The following CRB1 variants were observed in gnomAD, a reference collection of about 807,000 sequenced individuals.
CRB1 encodes the protein protein crumbs homolog 1.
A neutral mutation model predicts 120.0 loss-of-function variants in CRB1; 83 were observed. That is an observed-to-expected ratio of 0.69 (90% CI 0.58 to 0.83). CRB1 has a LOEUF of 0.83. Among genes scored for constraint, CRB1 ranks in the 40% least tolerant of loss-of-function variants. The pLI is 0.00. For missense variants in CRB1, 1,699 were observed against 1,687.6 expected (o/e 1.01, Z -0.12); for synonymous variants, 625 against 612.5 (o/e 1.02, Z -0.30).
chr1:197,284,811 TA>T lies in CRB1; in HGVS notation c.70+16336del, dbSNP rs148987226. ...AAGTGCATATTCTGATATTGTAATT[TA>T]AAAAAATAATAGAACAAAGGAATCC... On this transcript the variant is annotated intron_variant, in intron 1 of 11. Coordinates refer to ENST00000367400, the MANE Select transcript of CRB1 (RefSeq NM_201253.3). 3.9e-5 allele frequency among the ~76,000 whole-genome samples: 6 copies of T among 151,972 alleles called. 1 individual carries two copies. Among genetic ancestry groups the T allele is most frequent in the African/African-American group, 1.4e-4 (6 of 41,426 alleles).
At chr1:197,291,427 CAT>C (rs1394155462) in intron 1 of CRB1, among the ~76,000 whole-genome samples, 2 of 151,718 alleles carry the variant, frequency 1.3e-5, no homozygotes, top group African/African-American at 4.8e-5. Context: ...TAGTTGGTTA[CAT>C]GTTTTATCAA....
intron 1 of CRB1, among the ~76,000 whole-genome samples, chr1:197,293,561 A>G (rs1208437385): frequency 6.6e-6 from 1 of 152,234 alleles, no homozygotes; most frequent in South Asian, 2.1e-4. Flanking sequence ...GGAAAAAACT[A>G]CTTTAAAGTT....
chr1:197,432,403 C>T (rs910892355), intron 8 of CRB1, among the ~76,000 whole-genome samples: 44 of 106,068 alleles, frequency 4.1e-4, no homozygotes, highest in South Asian at 2.0e-3. Flanking sequence ...CACACACACA[C>T]ATAGTAAAAA....
At chr1:197,365,626 C>CTTT (rs375542477) in intron 5 of CRB1, among the ~76,000 whole-genome samples, 7,121 of 121,692 alleles carry the variant, frequency 0.059, 828 homozygotes, top group African/African-American at 0.24. Flanking sequence ...TCTTCTTCTT[C>CTTT]TTTTTTTTTT....
chr1:197,316,342 G>T (rs906237284), intron 1 of CRB1, among the ~76,000 whole-genome samples: 36 of 152,196 alleles, frequency 2.4e-4, no homozygotes, highest in Middle Eastern at 6.8e-3. Flanking sequence ...CCGCCACCGA[G>T]CCCGGCTGAT....
At chr1:197,438,822 A>G (rs1665290846) in intron 10 of CRB1, 147 bp downstream of exon 10, 1 of 910,772 alleles carries the variant, frequency 1.1e-6, no homozygotes. Context: ...ATGAAACAAT[A>G]AAAAAGAAGA....
chr1:197,265,862 A>G (rs569280378), upstream of CRB1, among the ~76,000 whole-genome samples: 1 of 152,002 alleles, frequency 6.6e-6, no homozygotes, highest in Non-Finnish European at 1.5e-5. Context: ...TGTGCTTTCC[A>G]TCTGCCCTTT....
At chr1:197,453,905 T>TA (rs1251064724) in intron 11 of CRB1, among the ~76,000 whole-genome samples, 1 of 34,966 alleles carries the variant, frequency 2.9e-5, no homozygotes, top group Non-Finnish European at 6.0e-5. Context: ...ATTATATTAT[T>TA]AATATATATT....
At chr1:197,202,975 G>GTGTGTGTC in the CRB1 span, among the ~76,000 whole-genome samples, 47 of 147,688 alleles carry the variant, frequency 3.2e-4, no homozygotes, top group African/African-American at 1.1e-3. Context: ...GTGTGTGTGT[G>GTGTGTGTC]TGTGTGTCTG....
intron 5 of CRB1, among the ~76,000 whole-genome samples, chr1:197,383,475 G>A (rs1396764920): frequency 6.6e-6 from 1 of 152,124 alleles, no homozygotes. Context: ...CTACATACAC[G>A]ATTTCTCCAC....
In CRB1 at chr1:197,460,986, G is replaced by A. The variant is rs78919167; in HGVS notation, c.4006-16678G>A. ...TAAATTTTGCTCTACGGCCCTAATA[G>A]GATCCAGAATCTATTTGTTTTTACC... On this transcript the variant is annotated intron_variant, in intron 11 of 11. Coordinates refer to ENST00000367400, the MANE Select transcript of CRB1 (RefSeq NM_201253.3). 7.1e-3 allele frequency among the ~76,000 whole-genome samples: 1,076 copies of A among 152,188 alleles called. 16 individuals are homozygous for A. Among genetic ancestry groups the A allele is most frequent in the African/African-American group, 0.024 (1,013 of 41,540 alleles).
the CRB1 span, among the ~76,000 whole-genome samples, chr1:197,260,097 A>G: frequency 2.6e-5 from 4 of 151,842 alleles, no homozygotes; most frequent in African/African-American, 9.7e-5. Flanking sequence ...GTGGCCACAA[A>G]CTGAGATTGC....
chr1:197,330,923 G>A (rs1478352808), intron 2 of CRB1, among the ~76,000 whole-genome samples: 4 of 152,082 alleles, frequency 2.6e-5, no homozygotes, highest in Non-Finnish European at 5.9e-5. Flanking sequence ...GGCCAGGCGC[G>A]GTGGCTCACG....
Position 197,327,120 on chromosome 1 carries a change from A to AAC in CRB1, c.71-1301_71-1300insCA, listed in dbSNP as rs1553248973. 5.5e-3 allele frequency among the ~76,000 whole-genome samples: 392 copies of AAC among 71,016 alleles called. 5 individuals carry two copies. Among genetic ancestry groups the AAC allele is most frequent in the South Asian group, 0.027 (49 of 1,812 alleles). 46.6% of individuals were successfully genotyped at this position (71,016 alleles called of 152,430 possible). Reference sequence around the variant, plus strand: ...AAAAAAAAAAAAAAAAAAAAAAAAAAAAAAAAAAAAAACAGAAACCAAGGC... The same window carrying AAC: ...AAAAAAAAAAAAAAAAAAAAAAAAAAACAAAAAAAAAAAACAGAAACCAAGGC... On this transcript the variant is annotated intron_variant, in intron 1 of 11. Coordinates refer to ENST00000367400, the MANE Select transcript of CRB1 (RefSeq NM_201253.3).
the CRB1 span, chr1:197,222,150 A>C: frequency 2.6e-6 from 1 of 380,226 alleles, no homozygotes; most frequent in South Asian, 2.4e-5. Flanking sequence ...TCACCCAGTC[A>C]CACCGCAGTG....
At chr1:197,206,776 C>T in the CRB1 span, among the ~76,000 whole-genome samples, 2 of 152,034 alleles carry the variant, frequency 1.3e-5, no homozygotes, top group South Asian at 2.1e-4. Context: ...TAGTTTAAAT[C>T]CATTTTTTCT....
At chr1:197,239,682 A>G in the CRB1 span, among the ~76,000 whole-genome samples, 1 of 150,876 alleles carries the variant, frequency 6.6e-6, no homozygotes, top group East Asian at 2.0e-4. Context: ...TACAAATAAT[A>G]TAATTATTGA....
chr1:197,351,364 C>CAAAAAA (rs35672792), intron 4 of CRB1, among the ~76,000 whole-genome samples: 1 of 86,052 alleles, frequency 1.2e-5, no homozygotes, highest in African/African-American at 5.1e-5. Context: ...TGAGACTTGG[C>CAAAAAA]AAAAAAAAAA....
At chr1:197,283,522 T>G (rs1655656352) in intron 1 of CRB1, among the ~76,000 whole-genome samples, 1 of 151,900 alleles carries the variant, frequency 6.6e-6, no homozygotes, top group African/African-American at 2.4e-5. Context: ...GTTACTTCAC[T>G]TAGAATAATG....
Sources: allele counts gnomAD v4.1 joint callset (sites outside exome capture counted in the v4.1 genomes callset), GRCh38; gene constraint gnomAD v4.1.1; transcripts MANE v1.5; gene names NCBI Gene and HGNC (gene_info 2026-07-23, HGNC 2026-07-21).